Variants in DIP2C observed in about 807,000 individuals in gnomAD.
DIP2C encodes the protein DIP2 acetate--CoA ligase C (putative).
A neutral mutation model predicts 192.4 loss-of-function variants in DIP2C; 33 were observed. That is an observed-to-expected ratio of 0.17 (90% CI 0.13 to 0.23). DIP2C has a LOEUF of 0.23. DIP2C is among the 10% of genes least tolerant of loss of function. The pLI is 1.00. For synonymous variants in DIP2C, 979 were observed against 864.1 expected (o/e 1.13, Z -2.33); for missense variants, 1,537 against 2,110.1 (o/e 0.73, Z 5.32).
chr10:581,047 A>G (rs531806682), intron 1 of DIP2C, among the ~76,000 whole-genome samples: 5 of 152,284 alleles, frequency 3.3e-5, no homozygotes, highest in East Asian at 1.9e-4. Context: ...AGAGAGACCA[A>G]TGTCCCAGGG....
intron 25 of DIP2C, 152 bp downstream of exon 25, chr10:349,179 C>G (rs929988447): frequency 4.4e-6 from 5 of 1,144,658 alleles, no homozygotes; most frequent in Non-Finnish European, 6.0e-6. Context: ...TAGCCAGACA[C>G]AAACGGGCTG....
chr10:433,222 TCTC>T (rs1276037058), intron 4 of DIP2C, among the ~76,000 whole-genome samples: 1 of 152,248 alleles, frequency 6.6e-6, no homozygotes, highest in African/African-American at 2.4e-5. Context: ...CTGGATTATT[TCTC>T]CTTGAAGTTT....
chr10:290,125 G>C (rs911070011), intron 32 of DIP2C, among the ~76,000 whole-genome samples: 1 of 152,222 alleles, frequency 6.6e-6, no homozygotes, highest in African/African-American at 2.4e-5. Context: ...TGCATCAGCA[G>C]GAGTCTGATG....
chr10:320,582 G>C (rs1956961899), intron 31 of DIP2C, among the ~76,000 whole-genome samples: 1 of 152,056 alleles, frequency 6.6e-6, no homozygotes, highest in African/African-American at 2.4e-5. Flanking sequence ...CTGTGATGAT[G>C]TGAGATGGCA....
intron 8 of DIP2C, among the ~76,000 whole-genome samples, chr10:410,370 A>G (rs1965107701): frequency 6.6e-6 from 1 of 152,220 alleles, no homozygotes; most frequent in Admixed American, 6.5e-5. Context: ...CTAGACACAC[A>G]TTTATTCATG....
chr10:325,952 C>A (rs1365419902), intron 31 of DIP2C, among the ~76,000 whole-genome samples: 6 of 152,066 alleles, frequency 3.9e-5, no homozygotes, highest in African/African-American at 9.7e-5. Context: ...GAGGCCAGGG[C>A]AGACAGATTG....
At position 277,430 on chromosome 10, in the gene DIP2C, G is replaced by C; in HGVS notation, c.4566C>G (p.Ile1522Met). 6.2e-7 allele frequency: 1 copy of C among 1,614,122 alleles called. No homozygotes were observed. The highest frequency in any genetic ancestry group is 1.1e-5 in the South Asian group (1 of 91,074). Reference sequence around the variant, plus strand: ...CACGGGAGTTGATGGGGATGACGCCGATGTCCACCACGACCACCACTCCGA... The same window carrying C: ...CACGGGAGTTGATGGGGATGACGCCCATGTCCACCACGACCACCACTCCGA... ...LIVGVVVVVD[I>M]GVIPINSRGE... is the part of the protein sequence containing the mutation. The change falls in exon 37 of 37, where the codon ATC (isoleucine) becomes ATG (methionine). Residue 1522 changes from isoleucine (I) to methionine (M), a missense_variant. By Grantham distance (10) the Ile-to-Met change is conservative. This residue lies in a region of DIP2C where 341 missense variants were observed against 551.7 expected (regional missense o/e 0.62). Coordinates refer to ENST00000280886, the MANE Select transcript of DIP2C (RefSeq NM_014974.3).
chr10:679,876 G>A (rs538507679), intron 1 of DIP2C, among the ~76,000 whole-genome samples: 2 of 152,280 alleles, frequency 1.3e-5, no homozygotes, highest in East Asian at 1.9e-4. Context: ...ACCTGGAATC[G>A]CCTGGATAAA....
intron 1 of DIP2C, among the ~76,000 whole-genome samples, chr10:551,066 G>A (rs1368034566): frequency 2.0e-5 from 3 of 151,858 alleles, no homozygotes; most frequent in Non-Finnish European, 4.4e-5. Context: ...CATACCTGAT[G>A]CAAACCATGC....
intron 1 of DIP2C, among the ~76,000 whole-genome samples, chr10:557,514 T>A (rs2130977662): frequency 6.6e-6 from 1 of 151,234 alleles, no homozygotes; most frequent in African/African-American, 2.4e-5. Flanking sequence ...TCTCATCTGT[T>A]CCCACGACAT....
At chr10:510,640 CAA>C (rs1845947550) in intron 1 of DIP2C, among the ~76,000 whole-genome samples, 2 of 152,208 alleles carry the variant, frequency 1.3e-5, no homozygotes, top group Non-Finnish European at 1.5e-5. Flanking sequence ...ATAAGCTGAA[CAA>C]AACTCTATTG....
chr10:369,594 G>C lies in DIP2C; in HGVS notation c.2031C>G (p.Val677=). The C allele has an allele frequency of 6.2e-7, 1 of 1,613,592 alleles. No homozygotes were observed. The highest frequency in any genetic ancestry group is 8.5e-7 in the Non-Finnish European group (1 of 1,179,768). ...CATAGGTCAGTCCATGCATGGAGAGGACACCCCGGCCCGGGGGCTGGTTAC... is the reference window on the plus strand; with the variant it reads ...CATAGGTCAGTCCATGCATGGAGAGCACACCCCGGCCCGGGGGCTGGTTAC... ...DDSNQPPGRG[V]LSMHGLTYGV... The change falls in exon 18 of 37, where the codon GTC becomes GTG. Residue 677 remains valine, a synonymous_variant. Transcript: ENST00000280886.
intron 1 of DIP2C, among the ~76,000 whole-genome samples, chr10:674,484 G>T (rs1307938277): frequency 6.6e-6 from 1 of 152,006 alleles, no homozygotes; most frequent in Non-Finnish European, 1.5e-5. Flanking sequence ...GATCTAAATA[G>T]AGAGGCGGGG....
At chr10:606,662 T>C (rs1344731051) in intron 1 of DIP2C, among the ~76,000 whole-genome samples, 1 of 152,274 alleles carries the variant, frequency 6.6e-6, no homozygotes, top group Non-Finnish European at 1.5e-5. Flanking sequence ...AATTACGTGC[T>C]GTGATCTGAA....
At chr10:486,570 G>A in intron 1 of DIP2C, 40 bp from the exon 2 acceptor site, 1 of 1,535,690 alleles carries the variant, frequency 6.5e-7, no homozygotes, top group South Asian at 1.2e-5. Flanking sequence ...TGGTCTCCGT[G>A]GATAGAGCAT....
intron 1 of DIP2C, among the ~76,000 whole-genome samples, chr10:579,870 C>T (rs1009042921): frequency 5.9e-5 from 9 of 151,912 alleles, no homozygotes; most frequent in East Asian, 1.9e-4. Context: ...CATATGTACA[C>T]TATAACACAT....
intron 1 of DIP2C, among the ~76,000 whole-genome samples, chr10:491,779 A>G (rs1844464070): frequency 6.6e-6 from 1 of 152,258 alleles, no homozygotes. Flanking sequence ...TTCATTCAGT[A>G]TCTATTTCAC....
intron 1 of DIP2C, among the ~76,000 whole-genome samples, chr10:552,565 A>C (rs1848643501): frequency 6.6e-6 from 1 of 152,214 alleles, no homozygotes; most frequent in Non-Finnish European, 1.5e-5. Context: ...AGTGACAAAC[A>C]CCTGGCCGGG....
chr10:520,718 A>G (rs1038559372), intron 1 of DIP2C, among the ~76,000 whole-genome samples: 7 of 152,218 alleles, frequency 4.6e-5, no homozygotes, highest in Non-Finnish European at 1.0e-4. Flanking sequence ...ATCTGCTGCC[A>G]AAGTTTCACT....
Sources: allele counts gnomAD v4.1 joint callset (sites outside exome capture counted in the v4.1 genomes callset), GRCh38; gene constraint gnomAD v4.1.1; regional missense constraint gnomAD v4.1.1; transcripts MANE v1.5; gene names NCBI Gene and HGNC (gene_info 2026-07-23, HGNC 2026-07-21).